CYP4F12: variants seen among roughly 807,000 people sequenced by gnomAD.
The protein encoded by CYP4F12 is cytochrome P450 family 4 subfamily F member 12.
A neutral mutation model predicts 56.5 loss-of-function variants in CYP4F12; 60 were observed. The ratio of observed to expected loss-of-function variants is 1.06; its 90% CI spans 0.86 to 1.32. The LOEUF is 1.32. CYP4F12 is among the 40% of genes most tolerant of loss of function. The pLI is 0.00. For missense variants in CYP4F12, 711 were observed against 683.5 expected (o/e 1.04, Z -0.45); for synonymous variants, 263 against 264.9 (o/e 0.99, Z 0.07).
chr19:15,680,459 C>T lies in CYP4F12; in HGVS notation c.465C>T (p.Phe155=). Residue 155 remains phenylalanine, a synonymous_variant, in exon 5 of 13, where the codon TTC becomes TTT. Transcript: ENST00000550308. The part of the protein sequence containing the change: ...SRHRRMLTPA[F]HFNILKSYIT... ...ACCGTCGGATGCTGACGCCCGCCTT[C>T]CATTTCAACATCCTGAAGTCCTATA... 1.2e-6 allele frequency: 2 copies of T among 1,614,162 alleles called. No individual in the cohort carries two copies. Among genetic ancestry groups the T allele is most frequent in the African/African-American group, 2.7e-5 (2 of 75,046 alleles).
chr19:15,678,890 T>C (rs1415164825), intron 3 of CYP4F12, among the ~76,000 whole-genome samples: 8 of 152,190 alleles, frequency 5.3e-5, no homozygotes, highest in Non-Finnish European at 1.2e-4. Flanking sequence ...TCCAAAGCGG[T>C]AGGAGGATTT....
chr19:15,693,001 C>G (rs1462141537), intron 9 of CYP4F12, among the ~76,000 whole-genome samples: 2 of 152,086 alleles, frequency 1.3e-5, no homozygotes, highest in Non-Finnish European at 2.9e-5. Flanking sequence ...TCACTTGAAC[C>G]AGGGAGGTGG....
Position 15,684,070 on chromosome 19 carries a change from A to G in CYP4F12, c.918+307A>G, listed in dbSNP as rs182143439. Reference sequence around the variant, plus strand: ...TGTCTGTATCTATGATAAAAGATGCACCAAACCCCTGGATCACAGCAGCCC... The same window carrying G: ...TGTCTGTATCTATGATAAAAGATGCGCCAAACCCCTGGATCACAGCAGCCC... On this transcript the variant is annotated intron_variant, in intron 7 of 12. Coordinates refer to ENST00000550308, the MANE Select transcript of CYP4F12 (RefSeq NM_023944.4). 839 of 189,388 alleles carry G rather than the reference A, an allele frequency of 4.4e-3. 3 individuals carry two copies. The highest frequency in any genetic ancestry group is 7.0e-3 in the Non-Finnish European group (647 of 93,018). The allele number at this position is 189,388 out of a possible 1,614,324, so 11.7% of individuals were successfully genotyped here.
chr19:15,685,320 G>A lies in CYP4F12; in HGVS notation c.1115+123G>A, dbSNP rs573290263. The A allele has an allele frequency of 4.2e-5, 60 of 1,436,648 alleles. No homozygotes were observed. The African/African-American group carries it at 7.9e-4, about 19-fold the overall frequency. The allele number at this position is 1,436,648 out of a possible 1,614,324, so 89.0% of individuals were successfully genotyped here. ...ATTGCTTAGTGGGTATAAAAGCAGA[G>A]GACCACAGGCAGGGCTTGATACCAA... On this transcript the variant is annotated intron_variant, in intron 9 of 12. Transcript: ENST00000550308.
chr19:15,673,128 G>A lies in CYP4F12; in HGVS notation c.-9G>A, dbSNP rs139160128. The stretch of plus-strand genomic sequence containing the variant: ...AGGTTGTGTGGGACAAGCTGCTCCC[G>A]ACAGAAGGTACCAGGCTGGGGGTGG... On this transcript the variant is annotated 5_prime_UTR_variant, in exon 1 of 13. Transcript: ENST00000550308. 4,314 of 435,732 alleles carry A rather than the reference G, an allele frequency of 9.9e-3. 79 individuals carry two copies. The highest frequency in any genetic ancestry group is 0.032 in the South Asian group (1,929 of 59,446). 27.0% of individuals were successfully genotyped at this position (435,732 alleles called of 1,614,324 possible).
chr19:15,696,644 A>G, intron 12 of CYP4F12, 132 bp downstream of exon 12: 2 of 1,210,896 alleles, frequency 1.7e-6, no homozygotes, highest in Non-Finnish European at 2.3e-6. Flanking sequence ...GAAAACGTCC[A>G]TAGAATGGGG....
chr19:15,696,413 C>T lies in CYP4F12; in HGVS notation c.1315-17C>T. 6.2e-7 allele frequency: 1 copy of T among 1,614,178 alleles called. No homozygotes were observed. The highest frequency in any genetic ancestry group is 1.1e-5 in the South Asian group (1 of 91,080). On this transcript the variant is annotated splice_polypyrimidine_tract_variant and intron_variant, in intron 11 of 12. Coordinates refer to ENST00000550308, the MANE Select transcript of CYP4F12 (RefSeq NM_023944.4). ...ATAGGAAATCCCACTGGCAAACCTTCTTTGTCTCACCTGCAGGTCTACGAC... is the reference window on the plus strand; with the variant it reads ...ATAGGAAATCCCACTGGCAAACCTTTTTTGTCTCACCTGCAGGTCTACGAC...
chr19:15,681,839 T>C (rs1389318085), intron 5 of CYP4F12: 1 of 152,634 alleles, frequency 6.6e-6, no homozygotes, highest in Non-Finnish European at 1.5e-5. Context: ...ACAATGGAGA[T>C]GAATAAAGCA....
At chr19:15,694,409 CT>C (rs2008025421) in intron 9 of CYP4F12, among the ~76,000 whole-genome samples, 1 of 152,116 alleles carries the variant, frequency 6.6e-6, no homozygotes, top group South Asian at 2.1e-4. Context: ...CTTCACGTCC[CT>C]TGTAAGTTGG....
chr19:15,674,571 TCACTCACTCATTCCTCTGCC>T (rs1180474506), intron 2 of CYP4F12, among the ~76,000 whole-genome samples: 8 of 9,622 alleles, frequency 8.3e-4, no homozygotes, highest in Non-Finnish European at 1.8e-3. Context: ...CTTCCCCTCA[TCACTCACTCATTCCTCTGCC>T]CACTCACTCA....
chr19:15,685,226 T>C, intron 9 of CYP4F12, 29 bp downstream of exon 9: 1 of 1,608,142 alleles, frequency 6.2e-7, no homozygotes, highest in Non-Finnish European at 8.5e-7. Flanking sequence ...GGCCTGTTCC[T>C]GAGCCCATCA....
Position 15,684,867 on chromosome 19 carries a change from A to C in CYP4F12, c.970A>C (p.Thr324Pro). Residue 324 changes from threonine to proline, a missense_variant, in exon 8 of 13, where the codon ACC becomes CCC. Transcript: ENST00000550308. ...SDEDIRAEAD[T>P]FMFGGHDTTA... Reference sequence around the variant, plus strand: ...TGAGGATATAAGAGCAGAGGCTGACACCTTCATGTTTGGAGGTGAGGGTCC... The same window carrying C: ...TGAGGATATAAGAGCAGAGGCTGACCCCTTCATGTTTGGAGGTGAGGGTCC... 6.2e-7 allele frequency: 1 copy of C among 1,607,282 alleles called. No homozygotes were observed. The highest frequency in any genetic ancestry group is 1.1e-5 in the South Asian group (1 of 89,694).
Position 15,696,514 on chromosome 19 carries a change from T to C in CYP4F12, c.1397+2T>C. On this transcript the variant is annotated splice_donor_variant, in intron 12 of 12. Transcript: ENST00000550308. LOFTEE classifies it high-confidence loss of function. ...TATTCCTTTCTCCGCAGGGCCCAGG[T>C]AAGAGCGCCCTGTGTCTGAGGCAGG... 1 of 1,613,040 alleles carries C rather than the reference T, an allele frequency of 6.2e-7. No individual in the cohort carries two copies. Among genetic ancestry groups the C allele is most frequent in the Non-Finnish European group, 8.5e-7 (1 of 1,179,762 alleles).
Position 15,695,020 on chromosome 19 carries a change from A to G in CYP4F12, c.1116-916A>G, listed in dbSNP as rs528405602. ...TTACTGGGTATATACCCAAAGGACT[A>G]TAAATCATGCGGCTATAAAGACACA... On this transcript the variant is annotated intron_variant, in intron 9 of 12. Coordinates refer to ENST00000550308, the MANE Select transcript of CYP4F12 (RefSeq NM_023944.4). Among the ~76,000 whole-genome samples, 1,430 of 152,276 alleles carry G rather than the reference A, an allele frequency of 9.4e-3. 16 individuals are homozygous for G. Among genetic ancestry groups the G allele is most frequent in the African/African-American group, 0.031 (1,298 of 41,514 alleles).
Position 15,696,896 on chromosome 19 carries a change from T to G in CYP4F12, c.1398-12T>G. ...TCTTGGGCACAGTCACAGTCCCCAC[T>G]CCCGCCTGCAGGAACTGCATCGGGC... On this transcript the variant is annotated splice_polypyrimidine_tract_variant and intron_variant, in intron 12 of 12. Transcript: ENST00000550308. 1 of 1,607,060 alleles carries G rather than the reference T, an allele frequency of 6.2e-7. No individual in the cohort carries two copies. The highest frequency in any genetic ancestry group is 8.5e-7 in the Non-Finnish European group (1 of 1,176,280).
Position 15,689,992 on chromosome 19 carries a change from T to C in CYP4F12, c.1115+4795T>C, listed in dbSNP as rs1163118683. ...CGGGTAAGGGAGAAAAGACTGCATATTGGGGACAGTATACACTGCATGGGT... is the reference window on the plus strand; with the variant it reads ...CGGGTAAGGGAGAAAAGACTGCATACTGGGGACAGTATACACTGCATGGGT... On this transcript the variant is annotated intron_variant, in intron 9 of 12. Coordinates refer to ENST00000550308, the MANE Select transcript of CYP4F12 (RefSeq NM_023944.4). 3.3e-5 allele frequency among the ~76,000 whole-genome samples: 5 copies of C among 152,172 alleles called. No individual in the cohort carries two copies. In the East Asian group the frequency reaches 5.8e-4, roughly 18 times the overall value.
chr19:15,696,938 G>T lies in CYP4F12; in HGVS notation c.1428G>T (p.Ala476=), dbSNP rs779927244. Residue 476 remains alanine, a synonymous_variant, in exon 13 of 13, where the codon GCG becomes GCT. Coordinates refer to ENST00000550308, the MANE Select transcript of CYP4F12 (RefSeq NM_023944.4). ...RNCIGQAFAM[A]EMKVVLALML... ...GCATCGGGCAGGCGTTCGCCATGGC[G>T]GAGATGAAAGTGGTCCTGGCGTTGA... The T allele has an allele frequency of 3.1e-6, 5 of 1,614,026 alleles. No homozygotes were observed. In the Admixed American group the frequency reaches 5.0e-5, roughly 16 times the overall value.
chr19:15,678,601 C>G (rs35248564), intron 3 of CYP4F12, 196 bp downstream of exon 3: 347,406 of 667,482 alleles, frequency 0.52, 93,357 homozygotes, highest in East Asian at 0.71. Flanking sequence ...AATTCAGGGC[C>G]CTTTCTGGAA....
At chr19:15,682,673 A>G (rs1458358997) in intron 6 of CYP4F12, among the ~76,000 whole-genome samples, 163 bp downstream of exon 6, 6 of 152,322 alleles carry the variant, frequency 3.9e-5, no homozygotes, top group East Asian at 1.9e-4. Flanking sequence ...CTTTCCAGGT[A>G]GAAATATGTG....
Sources: gnomAD v4.1 joint callset for allele counts (sites outside exome capture counted in the v4.1 genomes callset) on GRCh38, gnomAD v4.1.1 for gene constraint, MANE v1.5 for transcripts, NCBI Gene and HGNC (gene_info 2026-07-23, HGNC 2026-07-21) for gene names.